The following DIAPH3 variants were observed in gnomAD, a reference collection of about 807,000 sequenced individuals.
DIAPH3 encodes the protein protein diaphanous homolog 3.
A neutral mutation model predicts 144.3 loss-of-function variants in DIAPH3; 117 were observed. The ratio of observed to expected loss-of-function variants is 0.81; its 90% CI spans 0.70 to 0.95. The LOEUF is 0.95. Among genes scored for constraint, DIAPH3 ranks in the 40% least tolerant of loss-of-function variants. The pLI is 0.00. For missense variants in DIAPH3, 1,421 were observed against 1,412.7 expected, an observed-to-expected ratio of 1.01 and a Z score of -0.09; for synonymous variants, 519 against 488.9, an observed-to-expected ratio of 1.06 and a Z score of -0.81.
intron 23 of DIAPH3, among the ~76,000 whole-genome samples, chr13:59,836,403 A>C (rs1176807417): frequency 6.6e-6 from 1 of 151,838 alleles, no homozygotes; most frequent in Non-Finnish European, 1.5e-5. Flanking sequence ...GCAAGTAGTT[A>C]CTGTGGAAAT....
In DIAPH3 at chr13:60,132,961, T is replaced by A; in HGVS notation, c.209A>T (p.Asp70Val). 6.2e-7 allele frequency: 1 copy of A among 1,607,386 alleles called. No homozygotes were observed. Among genetic ancestry groups the A allele is most frequent in the Non-Finnish European group, 8.5e-7 (1 of 1,174,682 alleles). The change falls in exon 2 of 28, where the codon GAT (aspartate) becomes GTT (valine). Residue 70 changes from aspartate (D) to valine (V), a missense_variant. Coordinates refer to ENST00000400324, the MANE Select transcript of DIAPH3 (RefSeq NM_001042517.2). ...FHLNIRTLTD[D>V]MLDKFASIRI... ...AAAAGTTGAGGATAATCTTACCATATCATCCGTCAGTGTCCTAATATTTAA... is the reference window on the plus strand; with the variant it reads ...AAAAGTTGAGGATAATCTTACCATAACATCCGTCAGTGTCCTAATATTTAA...
At chr13:59,957,666 C>A (rs2049490624) in intron 17 of DIAPH3, among the ~76,000 whole-genome samples, 1 of 152,040 alleles carries the variant, frequency 6.6e-6, no homozygotes, top group African/African-American at 2.4e-5. Flanking sequence ...AATGAAAACA[C>A]AAACAACTGG....
chr13:59,694,886 G>C (rs547452504), intron 27 of DIAPH3, among the ~76,000 whole-genome samples: 2 of 151,960 alleles, frequency 1.3e-5, no homozygotes, highest in Non-Finnish European at 2.9e-5. Flanking sequence ...CAAAAAATAC[G>C]CAACCACCTG....
chr13:60,000,009 CTT>C (rs1296170267), intron 9 of DIAPH3, among the ~76,000 whole-genome samples: 1 of 152,126 alleles, frequency 6.6e-6, no homozygotes, highest in African/African-American at 2.4e-5. Context: ...TAACAGAACA[CTT>C]TTGCTTTTTC....
At chr13:59,732,473 C>T (rs1424334785) in intron 27 of DIAPH3, among the ~76,000 whole-genome samples, 1 of 150,966 alleles carries the variant, frequency 6.6e-6, no homozygotes, top group Non-Finnish European at 1.5e-5. Context: ...GACAGAGTCT[C>T]ACTCCCATCA....
At chr13:59,736,896 C>T (rs562242697) in intron 27 of DIAPH3, among the ~76,000 whole-genome samples, 43 of 152,126 alleles carry the variant, frequency 2.8e-4, no homozygotes, top group South Asian at 1.5e-3. Context: ...AAACAAGCAA[C>T]GGGAAAAGAA....
At chr13:60,047,524 A>G (rs2056132185) in intron 4 of DIAPH3, among the ~76,000 whole-genome samples, 2 of 152,214 alleles carry the variant, frequency 1.3e-5, no homozygotes, top group Admixed American at 1.3e-4. Context: ...AACTTATATC[A>G]TCAATGATTT....
intron 19 of DIAPH3, among the ~76,000 whole-genome samples, chr13:59,913,595 A>G (rs1008111121): frequency 1.3e-5 from 2 of 152,174 alleles, no homozygotes; most frequent in Non-Finnish European, 2.9e-5. Flanking sequence ...TTGCTTTACA[A>G]TTATGTATGT....
intron 1 of DIAPH3, among the ~76,000 whole-genome samples, chr13:60,152,724 TGATAA>T (rs1476955928): frequency 6.6e-6 from 1 of 152,062 alleles, no homozygotes; most frequent in Non-Finnish European, 1.5e-5. Flanking sequence ...GATACATACA[TGATAA>T]AATATATTTT....
intron 17 of DIAPH3, among the ~76,000 whole-genome samples, chr13:59,932,432 G>A (rs573584437): frequency 5.3e-5 from 8 of 151,864 alleles, no homozygotes; most frequent in East Asian, 1.9e-4. Context: ...GAAAAATAAC[G>A]CTTAGGGTAA....
intron 24 of DIAPH3, among the ~76,000 whole-genome samples, chr13:59,821,300 AC>A (rs1338246396): frequency 2.0e-5 from 3 of 152,036 alleles, no homozygotes; most frequent in Non-Finnish European, 4.4e-5. Context: ...ACACATTCCC[AC>A]TAAACACCTT....
intron 27 of DIAPH3, among the ~76,000 whole-genome samples, chr13:59,668,163 T>C (rs991270173): frequency 2.6e-5 from 4 of 152,106 alleles, no homozygotes; most frequent in Non-Finnish European, 5.9e-5. Context: ...CTTAAAGGAG[T>C]GTATGCTCTG....
chr13:60,014,060 A>T (rs2053464242), intron 7 of DIAPH3, among the ~76,000 whole-genome samples: 1 of 152,178 alleles, frequency 6.6e-6, no homozygotes, highest in South Asian at 2.1e-4. Context: ...TCTTCCTCAG[A>T]TTCATTATGA....
chr13:59,863,538 A>T (rs1182977782), intron 21 of DIAPH3, among the ~76,000 whole-genome samples: 1 of 152,200 alleles, frequency 6.6e-6, no homozygotes, highest in Admixed American at 6.6e-5. Context: ...ACCATCAGAC[A>T]TATTAACATA....
intron 3 of DIAPH3, among the ~76,000 whole-genome samples, chr13:60,098,214 T>C (rs921229880): frequency 5.3e-5 from 8 of 152,042 alleles, no homozygotes; most frequent in African/African-American, 1.4e-4. Context: ...CAGGTGCAGG[T>C]GGGGCTGCTC....
At chr13:59,918,218 A>G (rs1031236093) in intron 18 of DIAPH3, among the ~76,000 whole-genome samples, 11 of 151,630 alleles carry the variant, frequency 7.3e-5, no homozygotes, top group African/African-American at 2.7e-4. Flanking sequence ...GAAAAAAAAA[A>G]AAAAAAGAGA....
chr13:59,670,784 T>G (rs563477223), intron 27 of DIAPH3, among the ~76,000 whole-genome samples: 1 of 152,112 alleles, frequency 6.6e-6, no homozygotes, highest in South Asian at 2.1e-4. Flanking sequence ...GGGGTTTCAC[T>G]GTGTTAGCCA....
chr13:60,070,283 T>A (rs1281896233), intron 4 of DIAPH3, among the ~76,000 whole-genome samples: 2 of 1,180 alleles, frequency 1.7e-3, no homozygotes, highest in East Asian at 0.062. Context: ...TTCTGTTGGA[T>A]TTTTTTTTTT....
intron 17 of DIAPH3, among the ~76,000 whole-genome samples, chr13:59,954,405 T>C (rs893847619): frequency 5.9e-5 from 9 of 152,186 alleles, no homozygotes; most frequent in Non-Finnish European, 1.0e-4. Flanking sequence ...ATAACCCCAA[T>C]ATAATCAAAA....
Sources: gnomAD v4.1 joint callset for allele counts (sites outside exome capture counted in the v4.1 genomes callset) on GRCh38, gnomAD v4.1.1 for gene constraint, MANE v1.5 for transcripts, NCBI Gene and HGNC (gene_info 2026-07-23, HGNC 2026-07-21) for gene names.